Variants in DCC observed in about 807,000 individuals in gnomAD.
The protein encoded by DCC is netrin receptor DCC.
DCC carries 58 observed loss-of-function variants against 172.5 expected under a neutral mutation model. The ratio of observed to expected loss-of-function variants is 0.34; its 90% CI spans 0.27 to 0.42. The LOEUF is 0.42. DCC is among the 10% of genes least tolerant of loss of function. DCC has a pLI of 1.00. For missense variants in DCC, 1,740 were observed against 1,791.0 expected, an observed-to-expected ratio of 0.97 and a Z score of 0.51; for synonymous variants, 709 against 644.5, an observed-to-expected ratio of 1.10 and a Z score of -1.52.
chr18:53,286,616 A>G (rs1254618720), intron 12 of DCC, among the ~76,000 whole-genome samples: 2 of 152,200 alleles, frequency 1.3e-5, no homozygotes, highest in African/African-American at 2.4e-5. Context: ...CAGAGGCAGC[A>G]CTTGATGCAA....
In DCC at chr18:53,215,607, C is replaced by T; in HGVS notation, c.1911+10C>T. The T allele has an allele frequency of 6.2e-7, 1 of 1,609,192 alleles. No individual in the cohort carries two copies. Among genetic ancestry groups the T allele is most frequent in the Non-Finnish European group, 8.5e-7 (1 of 1,175,580 alleles). ...AGTGGTCAATTCAAGAGTAAGTTGG[C>T]TAAATGTTCACTACTCCATTACCTA... On this transcript the variant is annotated intron_variant, in intron 12 of 28. Coordinates refer to ENST00000442544, the MANE Select transcript of DCC (RefSeq NM_005215.4).
At chr18:53,076,138 C>A (rs746350916) in intron 7 of DCC, among the ~76,000 whole-genome samples, 40 of 152,218 alleles carry the variant, frequency 2.6e-4, no homozygotes, top group Non-Finnish European at 5.4e-4. Context: ...TCCTGCCTTG[C>A]CTGCTGGTAT....
chr18:53,250,552 C>T (rs2056417083), intron 12 of DCC, among the ~76,000 whole-genome samples: 1 of 151,778 alleles, frequency 6.6e-6, no homozygotes, highest in East Asian at 1.9e-4. Flanking sequence ...ATATCTGCCC[C>T]TAGTCTCCTC....
intron 1 of DCC, among the ~76,000 whole-genome samples, chr18:52,642,515 A>G (rs888786136): frequency 6.6e-6 from 1 of 152,164 alleles, no homozygotes; most frequent in Non-Finnish European, 1.5e-5. Context: ...CTGGGCAAAG[A>G]CAATTGCTGT....
rs992234669 is a variant in DCC, at chr18:52,863,548, C to T, written c.413-42496C>T. Among the ~76,000 whole-genome samples, 6 of 151,736 alleles carry T rather than the reference C, an allele frequency of 4.0e-5. No individual in the cohort carries two copies. In the East Asian group the frequency reaches 1.2e-3, roughly 29 times the overall value. On this transcript the variant is annotated intron_variant, in intron 2 of 28. Coordinates refer to ENST00000442544, the MANE Select transcript of DCC (RefSeq NM_005215.4). ...TCATATTTAGTAATTAATGTCTTAG[C>T]ATTATATCTTATTTGGAAATGATCT...
chr18:52,750,729 T>C (rs1370479334), intron 1 of DCC, among the ~76,000 whole-genome samples: 5 of 152,214 alleles, frequency 3.3e-5, no homozygotes, highest in Non-Finnish European at 5.9e-5. Context: ...AATAGTTCTG[T>C]CCATCAGGAC....
intron 12 of DCC, among the ~76,000 whole-genome samples, chr18:53,290,355 G>A (rs2144747755): frequency 6.6e-6 from 1 of 152,108 alleles, no homozygotes; most frequent in East Asian, 1.9e-4. Flanking sequence ...CTGACATTTG[G>A]AACTCAAATA....
At chr18:52,708,627 C>A (rs1005256387) in intron 1 of DCC, among the ~76,000 whole-genome samples, 1 of 152,024 alleles carries the variant, frequency 6.6e-6, no homozygotes, top group Non-Finnish European at 1.5e-5. Context: ...AGTGGTGCAC[C>A]TGTCCCTGCG....
intron 9 of DCC, among the ~76,000 whole-genome samples, chr18:53,191,775 A>G (rs2055369741): frequency 6.6e-6 from 1 of 152,228 alleles, no homozygotes; most frequent in South Asian, 2.1e-4. Flanking sequence ...ACTCAGCATG[A>G]TAACAGCTCT....
chr18:53,339,135 A>G (rs577222990), intron 14 of DCC, among the ~76,000 whole-genome samples: 2 of 152,340 alleles, frequency 1.3e-5, no homozygotes, highest in South Asian at 4.1e-4. Flanking sequence ...AAAGGTTGTG[A>G]GGCTTTAATC....
intron 2 of DCC, among the ~76,000 whole-genome samples, chr18:52,853,279 A>C (rs2039004968): frequency 6.6e-6 from 1 of 152,190 alleles, no homozygotes; most frequent in African/African-American, 2.4e-5. Flanking sequence ...ATCTTCTGTA[A>C]GCCATTTCAA....
intron 1 of DCC, among the ~76,000 whole-genome samples, chr18:52,554,373 G>A (rs1438246203): frequency 1.3e-5 from 2 of 152,052 alleles, no homozygotes; most frequent in Non-Finnish European, 2.9e-5. Context: ...AAGTTGCAGG[G>A]GCTGCACTTG....
At chr18:52,438,090 A>G (rs2084500124) in intron 1 of DCC, among the ~76,000 whole-genome samples, 1 of 152,180 alleles carries the variant, frequency 6.6e-6, no homozygotes, top group Non-Finnish European at 1.5e-5. Flanking sequence ...TATTGCTGCT[A>G]ACCATTCCCA....
chr18:52,480,501 A>C (rs139392397), intron 1 of DCC, among the ~76,000 whole-genome samples: 1 of 152,212 alleles, frequency 6.6e-6, no homozygotes, highest in Admixed American at 6.5e-5. Context: ...CTATCAACAC[A>C]AGTGTCCCAC....
chr18:52,366,683 T>C (rs1984873503), intron 1 of DCC, among the ~76,000 whole-genome samples: 1 of 151,344 alleles, frequency 6.6e-6, no homozygotes, highest in Non-Finnish European at 1.5e-5. Context: ...ATAAAGGTTC[T>C]CCAAGGCCCC....
chr18:53,269,092 G>A (rs933797824), intron 12 of DCC, among the ~76,000 whole-genome samples: 13 of 148,380 alleles, frequency 8.8e-5, no homozygotes, highest in South Asian at 4.2e-4. Flanking sequence ...ATGTGTGTGC[G>A]TGTGTGTGTG....
intron 1 of DCC, among the ~76,000 whole-genome samples, chr18:52,492,167 G>C (rs751165759): frequency 6.6e-6 from 1 of 151,936 alleles, no homozygotes; most frequent in Non-Finnish European, 1.5e-5. Context: ...GCATTCATTA[G>C]ATTTAGCAAC....
chr18:53,108,369 A>G (rs575827443), intron 7 of DCC, among the ~76,000 whole-genome samples: 22 of 151,942 alleles, frequency 1.4e-4, no homozygotes, highest in African/African-American at 5.1e-4. Context: ...TATATGGTCT[A>G]GGAAGAATGT....
At chr18:52,692,214 C>T (rs1303434986) in intron 1 of DCC, among the ~76,000 whole-genome samples, 1 of 152,100 alleles carries the variant, frequency 6.6e-6, no homozygotes, top group East Asian at 1.9e-4. Flanking sequence ...CAGGGTAATG[C>T]TGTTTTATTT....
Sources: allele counts gnomAD v4.1 joint callset (sites outside exome capture counted in the v4.1 genomes callset), GRCh38; gene constraint gnomAD v4.1.1; transcripts MANE v1.5; gene names NCBI Gene and HGNC (gene_info 2026-07-23, HGNC 2026-07-21).